Variants in RBFOX1 observed in about 807,000 individuals in gnomAD.
RBFOX1 encodes RNA binding protein fox-1 homolog 1.
Under a neutral mutation model 57.7 loss-of-function variants are expected in RBFOX1, and 8 were observed. The ratio of observed to expected loss-of-function variants is 0.14; its 90% CI spans 0.08 to 0.25. RBFOX1 has a LOEUF of 0.25. Ranked by LOEUF, RBFOX1 falls within the 10% of genes least tolerant of loss-of-function variation. The pLI is 1.00. For synonymous variants in RBFOX1, 326 were observed against 222.4 expected (o/e 1.47, Z -4.15); for missense variants, 611 against 548.5 (o/e 1.11, Z -1.14).
chr16:5,424,298 G>A (rs565595843), intron 1 of RBFOX1, among the ~76,000 whole-genome samples: 1 of 152,316 alleles, frequency 6.6e-6, no homozygotes, highest in South Asian at 2.1e-4. Flanking sequence ...ACTTGCCCAT[G>A]CAGGTTTCAC....
At chr16:5,420,631 TC>T (rs2067289754) in intron 1 of RBFOX1, among the ~76,000 whole-genome samples, 1 of 151,930 alleles carries the variant, frequency 6.6e-6, no homozygotes, top group Non-Finnish European at 1.5e-5. Context: ...TACCTCAGCG[TC>T]CCCCAACCCT....
At chr16:6,214,069 A>T (rs956321350) in intron 1 of RBFOX1, among the ~76,000 whole-genome samples, 119 of 152,288 alleles carry the variant, frequency 7.8e-4, no homozygotes, top group Non-Finnish European at 2.2e-4. Context: ...TCATACTCAA[A>T]TAAGTGTTTC....
intron 4 of RBFOX1, among the ~76,000 whole-genome samples, chr16:7,381,450 T>A (rs1407513854): frequency 6.6e-6 from 1 of 152,140 alleles, no homozygotes; most frequent in South Asian, 2.1e-4. Context: ...TTCTCAATGA[T>A]CTGTTAGTAA....
intron 3 of RBFOX1, among the ~76,000 whole-genome samples, chr16:5,723,207 C>G (rs1203333608): frequency 1.3e-5 from 2 of 152,196 alleles, no homozygotes; most frequent in East Asian, 1.9e-4. Flanking sequence ...GGATCCTCCT[C>G]ACAGAGGAGG....
intron 3 of RBFOX1, among the ~76,000 whole-genome samples, chr16:5,860,985 C>G (rs773565346): frequency 5.9e-5 from 9 of 152,186 alleles, no homozygotes; most frequent in Non-Finnish European, 1.2e-4. Context: ...CCTGAGTTTC[C>G]TGAAGGCTAA....
intron 2 of RBFOX1, among the ~76,000 whole-genome samples, chr16:6,367,896 C>T (rs2089890635): frequency 6.6e-6 from 1 of 152,208 alleles, no homozygotes; most frequent in Non-Finnish European, 1.5e-5. Flanking sequence ...TACTGTGAAA[C>T]TCAAACCCTT....
At chr16:7,708,608 CTTCACCCTTTCTGA>C (rs1175630484) in intron 14 of RBFOX1, among the ~76,000 whole-genome samples, 2 of 152,204 alleles carry the variant, frequency 1.3e-5, no homozygotes, top group African/African-American at 4.8e-5. Flanking sequence ...GACAGGTTCA[CTTCACCCTTTCTGA>C]TTCACCCTAT....
chr16:7,145,529 T>A (rs758997537), intron 4 of RBFOX1, among the ~76,000 whole-genome samples: 8 of 130,516 alleles, frequency 6.1e-5, no homozygotes, highest in Non-Finnish European at 1.2e-4. Flanking sequence ...TGCCATGTGA[T>A]TTTTTTTTCT....
chr16:5,803,090 G>T (rs981492233), intron 3 of RBFOX1, among the ~76,000 whole-genome samples: 2 of 152,170 alleles, frequency 1.3e-5, no homozygotes, highest in African/African-American at 4.8e-5. Flanking sequence ...CCAGACAATG[G>T]CAGGAATGGG....
At chr16:5,845,644 C>T (rs2056737743) in intron 3 of RBFOX1, among the ~76,000 whole-genome samples, 1 of 152,192 alleles carries the variant, frequency 6.6e-6, no homozygotes, top group Non-Finnish European at 1.5e-5. Context: ...CATTTGGAAG[C>T]CACTGCCAAA....
At chr16:7,201,147 T>G (rs2088294791) in intron 4 of RBFOX1, among the ~76,000 whole-genome samples, 1 of 151,952 alleles carries the variant, frequency 6.6e-6, no homozygotes, top group African/African-American at 2.4e-5. Context: ...AGAGAGGAAT[T>G]GGGGCAAGGG....
At chr16:5,697,246 T>C (rs747811934) in intron 3 of RBFOX1, among the ~76,000 whole-genome samples, 43 of 151,932 alleles carry the variant, frequency 2.8e-4, no homozygotes, top group Non-Finnish European at 5.4e-4. Context: ...CTATTAATGG[T>C]GTTCACGTCA....
intron 1 of RBFOX1, among the ~76,000 whole-genome samples, chr16:5,353,050 C>T (rs1000737282): frequency 3.3e-5 from 5 of 152,094 alleles, no homozygotes; most frequent in Admixed American, 6.5e-5. Flanking sequence ...AGAGATGAAA[C>T]GTTGCATTTA....
chr16:6,344,980 T>G (rs1363852661), intron 2 of RBFOX1, among the ~76,000 whole-genome samples: 2 of 152,096 alleles, frequency 1.3e-5, no homozygotes, highest in Non-Finnish European at 2.9e-5. Context: ...TTACAGAATC[T>G]TTGTGAGCAT....
chr16:5,967,982 G>A (rs1372926608), intron 4 of RBFOX1, among the ~76,000 whole-genome samples: 1 of 152,018 alleles, frequency 6.6e-6, no homozygotes, highest in Non-Finnish European at 1.5e-5. Context: ...TGACTACTTT[G>A]CTTTATAAAC....
At chr16:7,105,728 G>A (rs187618753) in intron 4 of RBFOX1, among the ~76,000 whole-genome samples, 6 of 151,758 alleles carry the variant, frequency 4.0e-5, no homozygotes, top group Admixed American at 3.9e-4. Context: ...AGATATATAG[G>A]TAGATATATA....
chr16:6,629,639 C>A (rs528814164), intron 2 of RBFOX1, among the ~76,000 whole-genome samples: 2 of 151,926 alleles, frequency 1.3e-5, no homozygotes, highest in South Asian at 2.1e-4. Context: ...ATGCTCAGAG[C>A]CCCTTAACTG....
chr16:6,617,294 T>G (rs17664315), intron 2 of RBFOX1, among the ~76,000 whole-genome samples: 64,857 of 151,646 alleles, frequency 0.43, 14,411 homozygotes, highest in Non-Finnish European at 0.49. Context: ...AACCTGATCT[T>G]CCTGCTTGGA....
chr16:6,675,580 G>T (rs1409511911), intron 3 of RBFOX1, among the ~76,000 whole-genome samples: 2 of 152,152 alleles, frequency 1.3e-5, no homozygotes, highest in Non-Finnish European at 2.9e-5. Context: ...TGATAAAGAT[G>T]TACCTGAGAC....
Sources: allele counts gnomAD v4.1 joint callset (sites outside exome capture counted in the v4.1 genomes callset), GRCh38; gene constraint gnomAD v4.1.1; transcripts MANE v1.5; gene names NCBI Gene and HGNC (gene_info 2026-07-23, HGNC 2026-07-21).